The following NUP214 variants were observed in gnomAD, a reference collection of about 807,000 sequenced individuals.
The protein encoded by NUP214 is nucleoporin 214, also known as nuclear pore complex protein Nup214.
Under a neutral mutation model 196.2 loss-of-function variants are expected in NUP214, and 79 were observed. The observed-to-expected ratio is 0.40, with a 90% confidence interval of 0.34 to 0.49. The LOEUF (loss-of-function observed/expected upper bound fraction) is 0.49, where lower values mean the gene tolerates loss of function less well. NUP214 is among the 20% of genes least tolerant of loss of function. The pLI is 0.58. For missense variants in NUP214, 2,468 were observed against 2,539.0 expected (o/e 0.97, Z 0.60); for synonymous variants, 1,020 against 990.5 (o/e 1.03, Z -0.56).
Position 131,165,507 on chromosome 9 carries a change from T to G in NUP214, c.2893+1363T>G, listed in dbSNP as rs547523536. ...GTGAAGATATGGAAAAAATGGAAGCTTTGTGCACTATTGGTGGGAATGTGA... is the reference window on the plus strand; with the variant it reads ...GTGAAGATATGGAAAAAATGGAAGCGTTGTGCACTATTGGTGGGAATGTGA... On this transcript the variant is annotated intron_variant, in intron 21 of 35. Coordinates refer to ENST00000359428, the MANE Select transcript of NUP214 (RefSeq NM_005085.4). Among the ~76,000 whole-genome samples, 3 of 152,298 alleles carry G rather than the reference T, an allele frequency of 2.0e-5. No individual in the cohort carries two copies. The East Asian group carries it at 5.8e-4, about 29-fold the overall frequency.
At chr9:131,219,341 G>A (rs1834492938) in intron 31 of NUP214, among the ~76,000 whole-genome samples, 1 of 152,086 alleles carries the variant, frequency 6.6e-6, no homozygotes, top group African/African-American at 2.4e-5. Context: ...CGCCTTTTTG[G>A]GCAACATTTA....
At chr9:131,159,516 T>C (rs1180060051) in intron 18 of NUP214, 30 bp downstream of exon 18, 1 of 1,492,626 alleles carries the variant, frequency 6.7e-7, no homozygotes, top group Admixed American at 1.7e-5. Flanking sequence ...TGCAATGTGT[T>C]GGAATAGATA....
chr9:131,206,624 G>A (rs1834096261), intron 30 of NUP214, among the ~76,000 whole-genome samples: 1 of 151,920 alleles, frequency 6.6e-6, no homozygotes, highest in African/African-American at 2.4e-5. Context: ...TCAGTTTTTT[G>A]TAGAGATGGG....
intron 28 of NUP214, 146 bp from the exon 29 acceptor site, chr9:131,197,070 C>T: frequency 4.6e-6 from 5 of 1,094,952 alleles, no homozygotes; most frequent in Non-Finnish European, 6.5e-6. Flanking sequence ...CATTCCACCT[C>T]CTTAGAGAAA....
intron 29 of NUP214, among the ~76,000 whole-genome samples, chr9:131,200,061 C>G (rs982587727): frequency 6.6e-6 from 1 of 152,126 alleles, no homozygotes; most frequent in South Asian, 2.1e-4. Context: ...TAGAGGAGAA[C>G]GTGTAACACA....
At chr9:131,203,726 T>TA (rs570050558) in intron 30 of NUP214, among the ~76,000 whole-genome samples, 267 of 152,252 alleles carry the variant, frequency 1.8e-3, no homozygotes, top group Non-Finnish European at 2.8e-3. Flanking sequence ...AGATAAAACA[T>TA]AAAAACCTTG....
In NUP214 at chr9:131,219,816, G is replaced by A. The variant is rs184809962; in HGVS notation, c.5750-2962G>A. Among the ~76,000 whole-genome samples the A allele has an allele frequency of 3.3e-3, 510 of 152,258 alleles. 4 individuals are homozygous for A. The highest frequency in any genetic ancestry group is 0.012 in the African/African-American group (482 of 41,534). Reference sequence around the variant, plus strand: ...GGGTTTACAGGGTCCCTCTACAACTGTTCTTTAAGAAAATATCTTGGAAAG... The same window carrying A: ...GGGTTTACAGGGTCCCTCTACAACTATTCTTTAAGAAAATATCTTGGAAAG... On this transcript the variant is annotated intron_variant, in intron 31 of 35. Coordinates refer to ENST00000359428, the MANE Select transcript of NUP214 (RefSeq NM_005085.4).
rs747921739 is a variant in NUP214, at chr9:131,197,797, G to A, written c.4303G>A (p.Gly1435Ser). The A allele has an allele frequency of 8.1e-6, 13 of 1,614,028 alleles. No individual in the cohort carries two copies. Among genetic ancestry groups the A allele is most frequent in the Middle Eastern group, 1.6e-4 (1 of 6,062 alleles). Residue 1435 changes from glycine (G) to serine (S), a missense_variant, in exon 29 of 36, where the codon GGC becomes AGC. Coordinates refer to ENST00000359428, the MANE Select transcript of NUP214 (RefSeq NM_005085.4). Reference sequence around the variant, plus strand: ...TTTTGGTGGGACATCTCTAAGTGCTGGCAAGACTAGTTTTTCATTTGGAAG... The same window carrying A: ...TTTTGGTGGGACATCTCTAAGTGCTAGCAAGACTAGTTTTTCATTTGGAAG... The part of the protein sequence containing the change: ...ISFGGTSLSA[G>S]KTSFSFGSQQ...
chr9:131,152,720 A>G (rs1458606766), intron 17 of NUP214, among the ~76,000 whole-genome samples: 2 of 152,132 alleles, frequency 1.3e-5, no homozygotes, highest in African/African-American at 4.8e-5. Flanking sequence ...GGGGAACCAG[A>G]ATTGAAACCT....
Position 131,185,048 on chromosome 9 carries a change from CT to C in NUP214, c.3420-2236del, listed in dbSNP as rs1391547365. 2.0e-5 allele frequency among the ~76,000 whole-genome samples: 3 copies of C among 152,208 alleles called. No homozygotes were observed. In the East Asian group the frequency reaches 5.8e-4, roughly 29 times the overall value. On this transcript the variant is annotated intron_variant, in intron 24 of 35. Transcript: ENST00000359428. ...ATAACCAGGTCTCTTGTTTTTTATGCTTTTTAAAATCCTGAAATAAGTTACA... is the reference window on the plus strand; with the variant it reads ...ATAACCAGGTCTCTTGTTTTTTATGCTTTTAAAATCCTGAAATAAGTTACA...
chr9:131,178,620 T>A (rs967577434), intron 24 of NUP214, among the ~76,000 whole-genome samples: 1 of 152,098 alleles, frequency 6.6e-6, no homozygotes, highest in Non-Finnish European at 1.5e-5. Context: ...CACAAACTTT[T>A]AAAGTTTGTC....
intron 19 of NUP214, 117 bp downstream of exon 19, chr9:131,163,290 A>G: frequency 5.7e-6 from 6 of 1,050,406 alleles, no homozygotes; most frequent in Non-Finnish European, 8.1e-6. Context: ...CACCTGTGTA[A>G]TCCTGGTCAG....
At chr9:131,176,938 C>CAA (rs536167573) in intron 23 of NUP214, among the ~76,000 whole-genome samples, 22 of 148,218 alleles carry the variant, frequency 1.5e-4, no homozygotes, top group African/African-American at 5.2e-4. Flanking sequence ...AGGAATGCTG[C>CAA]AAAAAAAAAA....
At chr9:131,195,886 G>T (rs1407094209) in intron 28 of NUP214, among the ~76,000 whole-genome samples, 1 of 152,024 alleles carries the variant, frequency 6.6e-6, no homozygotes, top group Admixed American at 6.6e-5. Flanking sequence ...TTAGCCAGCC[G>T]TGGTGGCGCA....
At chr9:131,208,561 G>T (rs2131067431) in intron 30 of NUP214, among the ~76,000 whole-genome samples, 1 of 152,282 alleles carries the variant, frequency 6.6e-6, no homozygotes, top group East Asian at 1.9e-4. Context: ...TCCAGGCGTG[G>T]TGGCGGGTGC....
At chr9:131,152,980 T>C (rs1832319121) in intron 17 of NUP214, among the ~76,000 whole-genome samples, 1 of 152,062 alleles carries the variant, frequency 6.6e-6, no homozygotes, top group South Asian at 2.1e-4. Context: ...CTCACTACAT[T>C]ATCCAGGCTG....
At position 131,234,036 on chromosome 9, in the gene NUP214, A is replaced by T. The variant is rs192293037; in HGVS notation, c.*549A>T. On this transcript the variant is annotated 3_prime_UTR_variant, in exon 36 of 36. Transcript: ENST00000359428. ...TGAGTGGAGGCAGAGGAAGCCACTC[A>T]TGCCAGCAGCAGTTGAGTTTCAGAA... 2.7e-5 allele frequency: 7 copies of T among 254,958 alleles called. No homozygotes were observed. In the East Asian group the frequency reaches 4.0e-4, roughly 15 times the overall value. 15.8% of individuals were successfully genotyped at this position (254,958 alleles called of 1,614,324 possible). A position where few individuals can be genotyped will look rare whatever the true frequency, so the allele number is the denominator to read the frequency against.
chr9:131,230,891 TG>T, intron 34 of NUP214, 122 bp downstream of exon 34: 2 of 1,183,174 alleles, frequency 1.7e-6, no homozygotes, highest in Non-Finnish European at 2.3e-6. Context: ...ACTGGGCACG[TG>T]GTTCACGCCT....
rs147899741 is a variant in NUP214, at chr9:131,233,461, C to G, written c.6247C>G (p.Gln2083Glu). 6.2e-7 allele frequency: 1 copy of G among 1,612,882 alleles called. No individual in the cohort carries two copies. Among genetic ancestry groups the G allele is most frequent in the African/African-American group, 1.3e-5 (1 of 74,902 alleles). ...TCCTGTGCTTCCTTGCAGGTCTGTC[C>G]AGGGTTTTGGTGGCTGGCGAAGCTG... is the stretch of plus-strand genomic sequence containing the variant. ...FSFGSNNSSV[Q>E]GFGGWRS The change falls in exon 36 of 36, where the codon CAG (glutamine) becomes GAG (glutamate). Residue 2083 changes from glutamine (Q) to glutamate (E), a missense_variant. By Grantham distance (29) the Gln-to-Glu change is conservative. Transcript: ENST00000359428.
Sources: gnomAD v4.1 joint callset for allele counts (sites outside exome capture counted in the v4.1 genomes callset) on GRCh38, gnomAD v4.1.1 for gene constraint, MANE v1.5 for transcripts, NCBI Gene and HGNC (gene_info 2026-07-23, HGNC 2026-07-21) for gene names.